The following PRKAA1 variants were observed in gnomAD, a reference collection of about 807,000 sequenced individuals.
PRKAA1 encodes 5'-AMP-activated protein kinase catalytic subunit alpha-1.
In PRKAA1, 23 loss-of-function variants were observed where a neutral mutation model predicts 56.9. That is an observed-to-expected ratio of 0.40 (90% CI 0.29 to 0.57). The LOEUF (loss-of-function observed/expected upper bound fraction) is 0.57, where lower values mean the gene tolerates loss of function less well. PRKAA1 is among the 20% of genes least tolerant of loss of function. The probability of loss-of-function intolerance (pLI) is 0.39; values close to 1 mark genes in which losing one functional copy is unlikely to be tolerated. For missense variants in PRKAA1, 413 were observed against 679.7 expected, an observed-to-expected ratio of 0.61 and a Z score of 4.36; for synonymous variants, 226 against 227.0, an observed-to-expected ratio of 1.00 and a Z score of 0.04.
Position 40,785,143 on chromosome 5 carries a change from C to A in PRKAA1, c.128-7557G>T, listed in dbSNP as rs1744414677. On this transcript the variant is annotated intron_variant, in intron 1 of 8. Transcript: ENST00000397128. Reference sequence around the variant, plus strand: ...TATGTGCCAGGCACTGCTACTATGACCTCCTTCCTGTATCAGAACATGAAT... The same window carrying A: ...TATGTGCCAGGCACTGCTACTATGAACTCCTTCCTGTATCAGAACATGAAT... Among the ~76,000 whole-genome samples the A allele has an allele frequency of 2.6e-5, 4 of 152,228 alleles. No homozygotes were observed. In the South Asian group the frequency reaches 6.2e-4, roughly 24 times the overall value.
At chr5:40,789,423 T>TGGTG (rs765114955) in intron 1 of PRKAA1, among the ~76,000 whole-genome samples, 21 of 152,164 alleles carry the variant, frequency 1.4e-4, no homozygotes, top group Non-Finnish European at 1.0e-4. Flanking sequence ...AAACTATAAA[T>TGGTG]ACAGCCATTT....
intron 1 of PRKAA1, among the ~76,000 whole-genome samples, chr5:40,788,586 T>C (rs374168784): frequency 6.6e-6 from 1 of 152,064 alleles, no homozygotes; most frequent in African/African-American, 2.4e-5. Context: ...TCCCAACACT[T>C]TGGCAGGCCG....
chr5:40,771,995 T>A, intron 3 of PRKAA1, 132 bp from the exon 4 acceptor site: 3 of 1,133,120 alleles, frequency 2.6e-6, no homozygotes, highest in Non-Finnish European at 3.7e-6. Context: ...TGAGATACTT[T>A]TGACATGAGG....
At chr5:40,789,269 G>A (rs983480011) in intron 1 of PRKAA1, among the ~76,000 whole-genome samples, 1 of 151,134 alleles carries the variant, frequency 6.6e-6, no homozygotes, top group African/African-American at 2.4e-5. Context: ...AAAGAATGCT[G>A]AACATCTCTA....
chr5:40,782,425 G>A (rs1744299228), intron 1 of PRKAA1, among the ~76,000 whole-genome samples: 1 of 152,014 alleles, frequency 6.6e-6, no homozygotes, highest in South Asian at 2.1e-4. Context: ...AAAGCAACCT[G>A]GGCTATGGGA....
intron 1 of PRKAA1, among the ~76,000 whole-genome samples, chr5:40,786,254 C>CAAA (rs35972942): frequency 1.6e-5 from 2 of 123,814 alleles, no homozygotes; most frequent in Non-Finnish European, 3.5e-5. Context: ...GACTCCGTCT[C>CAAA]AAAAAAAAAA....
chr5:40,796,436 G>A (rs1056110416), intron 1 of PRKAA1, among the ~76,000 whole-genome samples: 49 of 152,008 alleles, frequency 3.2e-4, no homozygotes, highest in African/African-American at 1.2e-3. Flanking sequence ...AGGGATGGGG[G>A]CAAAAATGAA....
chr5:40,767,176 T>G (rs536598961), intron 6 of PRKAA1, among the ~76,000 whole-genome samples: 77 of 152,266 alleles, frequency 5.1e-4, no homozygotes, highest in African/African-American at 1.8e-3. Context: ...AATCTTTCAT[T>G]AGCTTTTTTG....
rs1393025295 is a variant in PRKAA1 at position 40,765,235 on chromosome 5, T to C, written c.825A>G (p.Glu275=). The C allele has an allele frequency of 4.4e-6, 7 of 1,602,936 alleles. No homozygotes were observed. The highest frequency in any genetic ancestry group is 6.0e-6 in the Non-Finnish European group (7 of 1,174,262). ...GAAGGTCCTGTTTAAACCATTCATGTTCCCTGAGAGAAAAATGGCAGGATC... is the reference window on the plus strand; with the variant it reads ...GAAGGTCCTGTTTAAACCATTCATGCTCCCTGAGAGAAAAATGGCAGGATC... ...MKRATIKDIR[E]HEWFKQDLPK... The change falls in exon 7 of 9, where the codon GAA becomes GAG. Residue 275 remains glutamate, a synonymous_variant. Coordinates refer to ENST00000397128, the MANE Select transcript of PRKAA1 (RefSeq NM_006251.6).
intron 3 of PRKAA1, among the ~76,000 whole-genome samples, chr5:40,772,996 T>C (rs1014221186): frequency 6.6e-6 from 1 of 152,180 alleles, no homozygotes; most frequent in African/African-American, 2.4e-5. Context: ...TCAACATAAG[T>C]GACAGCCATT....
At chr5:40,797,983 G>C in intron 1 of PRKAA1, 80 bp downstream of exon 1, 2 of 1,564,664 alleles carry the variant, frequency 1.3e-6, no homozygotes, top group South Asian at 1.1e-5. Flanking sequence ...GCAGCGGGCG[G>C]GGGAGGATGA....
At position 40,764,581 on chromosome 5, in the gene PRKAA1, G is replaced by C. The variant is rs1743335675; in HGVS notation, c.1368C>G (p.Ser456=). The change falls in exon 8 of 9, where the codon TCC becomes TCG. Residue 456 remains serine (S), a synonymous_variant. Coordinates refer to ENST00000397128, the MANE Select transcript of PRKAA1 (RefSeq NM_006251.6). The stretch of plus-strand genomic sequence containing the variant: ...CTTGGTATAACTGTAGACTCATTTT[G>C]GAGTAAGTGCTTGTCACAGGATTCT... ...RRKNPVTSTY[S]KMSLQLYQVD... The C allele has an allele frequency of 6.2e-7, 1 of 1,613,302 alleles. No individual in the cohort carries two copies. Among genetic ancestry groups the C allele is most frequent in the African/African-American group, 1.3e-5 (1 of 74,908 alleles).
chr5:40,797,467 C>T (rs1744975722), intron 1 of PRKAA1, among the ~76,000 whole-genome samples: 2 of 152,146 alleles, frequency 1.3e-5, no homozygotes, highest in South Asian at 4.1e-4. Flanking sequence ...ATTAACTGCT[C>T]CGAAGGAAAC....
intron 1 of PRKAA1, among the ~76,000 whole-genome samples, chr5:40,781,640 G>C (rs1457457342): frequency 6.6e-6 from 1 of 151,996 alleles, no homozygotes; most frequent in Non-Finnish European, 1.5e-5. Context: ...AAAAAAATGA[G>C]ATAATTCATG....
At chr5:40,790,290 A>T (rs1401963282) in intron 1 of PRKAA1, 1 of 152,248 alleles carries the variant, frequency 6.6e-6, no homozygotes, top group Non-Finnish European at 1.5e-5. Context: ...TTCTAATTGT[A>T]CTACACATGA....
chr5:40,771,844 C>G lies in PRKAA1; in HGVS notation c.383G>C (p.Arg128Pro). ...AGAAAGGATCTGTTGGAACAGACGC[C>G]GACTTTCTTTTTCATCCAGCTAAGA... ...KNGRLDEKES[R>P]RLFQQILSGV... The change falls in exon 4 of 9, where the codon CGG becomes CCG. Residue 128 changes from arginine to proline, a missense_variant. Coordinates refer to ENST00000397128, the MANE Select transcript of PRKAA1 (RefSeq NM_006251.6). The G allele has an allele frequency of 6.2e-7, 1 of 1,609,016 alleles. No individual in the cohort carries two copies. Among genetic ancestry groups the G allele is most frequent in the Non-Finnish European group, 8.5e-7 (1 of 1,179,018 alleles).
intron 1 of PRKAA1, among the ~76,000 whole-genome samples, chr5:40,790,525 C>CTCTTTTTTTTT: frequency 8.9e-6 from 1 of 112,026 alleles, no homozygotes. Flanking sequence ...TCAACTCTTT[C>CTCTTTTTTTTT]TTTTTTTTTT....
intron 1 of PRKAA1, among the ~76,000 whole-genome samples, chr5:40,777,931 A>G (rs1241011263): frequency 6.6e-6 from 1 of 152,110 alleles, no homozygotes; most frequent in Non-Finnish European, 1.5e-5. Context: ...AAAATTGGCG[A>G]GGCGTGCTGG....
intron 5 of PRKAA1, among the ~76,000 whole-genome samples, chr5:40,767,918 A>G (rs1039905131): frequency 8.5e-5 from 13 of 152,342 alleles, no homozygotes; most frequent in African/African-American, 2.6e-4. Flanking sequence ...ACTATTTACT[A>G]TGGCCCTGAT....
Sources: allele counts gnomAD v4.1 joint callset (sites outside exome capture counted in the v4.1 genomes callset), GRCh38; gene constraint gnomAD v4.1.1; transcripts MANE v1.5; gene names NCBI Gene and HGNC (gene_info 2026-07-23, HGNC 2026-07-21).